The following S100Z variants were observed in gnomAD, a reference collection of about 807,000 sequenced individuals.
S100Z encodes the protein protein S100-Z.
Under a neutral mutation model 8.5 loss-of-function variants are expected in S100Z, and 11 were observed. The observed-to-expected ratio is 1.30, with a 90% CI of 0.82 to 2.15. The LOEUF (loss-of-function observed/expected upper bound fraction) is 2.15, where lower values mean the gene tolerates loss of function less well. S100Z is among the 30% of genes most tolerant of loss of function. The probability of loss-of-function intolerance (pLI) is 0.00; values close to 1 mark genes in which losing one functional copy is unlikely to be tolerated. For missense variants in S100Z, 126 were observed against 117.9 expected (o/e 1.07, Z -0.32); for synonymous variants, 34 against 43.8 (o/e 0.78, Z 0.89).
chr5:76,907,959 T>G (rs931667344), intron 4 of S100Z, among the ~76,000 whole-genome samples: 2 of 152,024 alleles, frequency 1.3e-5, no homozygotes, highest in African/African-American at 4.8e-5. Context: ...TGAAAGCACT[T>G]CTCTACAAAA....
At chr5:76,862,771 C>T (rs1280799667) in intron 1 of S100Z, among the ~76,000 whole-genome samples, 1 of 152,112 alleles carries the variant, frequency 6.6e-6, no homozygotes, top group African/African-American at 2.4e-5. Flanking sequence ...CACTCCACTC[C>T]AGCCTGGGCG....
chr5:76,915,795 C>T (rs1215959721), intron 4 of S100Z, among the ~76,000 whole-genome samples: 1 of 152,082 alleles, frequency 6.6e-6, no homozygotes, highest in Non-Finnish European at 1.5e-5. Flanking sequence ...AAGAAACTCA[C>T]ATCAAATACA....
intron 1 of S100Z, among the ~76,000 whole-genome samples, chr5:76,865,005 C>A (rs1359772746): frequency 1.3e-5 from 2 of 152,162 alleles, no homozygotes; most frequent in African/African-American, 4.8e-5. Flanking sequence ...CCACGCCCGG[C>A]CTACTATACT....
chr5:76,903,564 G>T (rs574764575), intron 4 of S100Z, among the ~76,000 whole-genome samples: 1 of 152,234 alleles, frequency 6.6e-6, no homozygotes, highest in East Asian at 1.9e-4. Context: ...TAAGTAGTAA[G>T]TGTGGGATTG....
chr5:76,950,678 C>G, the S100Z span, among the ~76,000 whole-genome samples: 1 of 152,098 alleles, frequency 6.6e-6, no homozygotes, highest in African/African-American at 2.4e-5. Flanking sequence ...TGGAGGTTAA[C>G]ATACAGGTAA....
intron 4 of S100Z, among the ~76,000 whole-genome samples, chr5:76,916,622 A>T (rs141300597): frequency 6.6e-6 from 1 of 152,284 alleles, no homozygotes; most frequent in Non-Finnish European, 1.5e-5. Context: ...ACTAGAAACC[A>T]ATAACAGAAA....
Position 76,916,026 on chromosome 5 carries a change from A to C in S100Z, c.*3-4691A>C, listed in dbSNP as rs187168072. Among the ~76,000 whole-genome samples, 15 of 151,992 alleles carry C rather than the reference A, an allele frequency of 9.9e-5. No individual in the cohort carries two copies. In the East Asian group the frequency reaches 2.9e-3, roughly 29 times the overall value. The stretch of plus-strand genomic sequence containing the variant: ...AAATACAAAAATTAGCTGGGCGTGG[A>C]GGTACACACTTGTAATCCCAGCTAC... On this transcript the variant is annotated intron_variant, in intron 4 of 4. Transcript: ENST00000317593.
intron 4 of S100Z, among the ~76,000 whole-genome samples, chr5:76,903,925 G>C: frequency 6.6e-6 from 1 of 151,570 alleles, no homozygotes; most frequent in Middle Eastern, 3.2e-3. Flanking sequence ...AGTAGAGATG[G>C]CTGTTAGTAG....
chr5:76,948,124 G>A, the S100Z span, among the ~76,000 whole-genome samples: 2 of 152,022 alleles, frequency 1.3e-5, no homozygotes, highest in Non-Finnish European at 1.5e-5. Flanking sequence ...TCAGAAGTTC[G>A]AAACCATCAT....
chr5:76,864,716 T>A (rs1751204964), intron 1 of S100Z, among the ~76,000 whole-genome samples: 1 of 147,926 alleles, frequency 6.8e-6, no homozygotes, highest in Non-Finnish European at 1.5e-5. Context: ...TTTATTATAC[T>A]TTTTTCTTCT....
intron 2 of S100Z, 106 bp downstream of exon 2, chr5:76,870,390 C>T (rs1742966124): frequency 1.3e-5 from 2 of 152,052 alleles, no homozygotes; most frequent in African/African-American, 4.8e-5. Flanking sequence ...ATACACAAAC[C>T]TTGATGTGAT....
chr5:76,851,501 T>G (rs964941659), intron 1 of S100Z, among the ~76,000 whole-genome samples: 1 of 152,044 alleles, frequency 6.6e-6, no homozygotes, highest in African/African-American at 2.4e-5. Flanking sequence ...ACCTGGCAAC[T>G]GATTGCATGA....
At chr5:76,943,123 G>C in the S100Z span, among the ~76,000 whole-genome samples, 1 of 152,170 alleles carries the variant, frequency 6.6e-6, no homozygotes, top group Non-Finnish European at 1.5e-5. Context: ...GTTCTCTCAT[G>C]ATGGTGCAGT....
chr5:76,899,571 A>G (rs895042737), intron 4 of S100Z, among the ~76,000 whole-genome samples: 3 of 152,128 alleles, frequency 2.0e-5, no homozygotes, highest in African/African-American at 7.2e-5. Context: ...GTTATAACCC[A>G]TTATTTTAAC....
the S100Z span, among the ~76,000 whole-genome samples, chr5:76,949,061 T>C: frequency 1.3e-5 from 2 of 152,222 alleles, no homozygotes; most frequent in Admixed American, 6.5e-5. Flanking sequence ...TTTACCTATG[T>C]GACAAACCTG....
rs1745031542 is a variant in S100Z at position 76,921,362 on chromosome 5, T to TGAATAAATCAA, written c.*655_*656insTCAAGAATAAA. ...CTTTTAAGTCAATACATCTGAATCT[T>TGAATAAATCAA]GAATAAAATTCTTGTTCCTTCTCTT... On this transcript the variant is annotated 3_prime_UTR_variant, in exon 5 of 5. Coordinates refer to ENST00000317593, the MANE Select transcript of S100Z (RefSeq NM_130772.4). 6.6e-6 allele frequency: 1 copy of TGAATAAATCAA among 152,226 alleles called. No individual in the cohort carries two copies. The highest frequency in any genetic ancestry group is 6.5e-5 in the Admixed American group (1 of 15,276). 9.4% of individuals were successfully genotyped at this position (152,226 alleles called of 1,614,324 possible).
chr5:76,858,736 C>T (rs1453430905), intron 1 of S100Z, among the ~76,000 whole-genome samples: 1 of 152,202 alleles, frequency 6.6e-6, no homozygotes, highest in Admixed American at 6.5e-5. Flanking sequence ...TTTCAATTCA[C>T]ATCCCTATAG....
At chr5:76,913,138 T>C (rs1340457821) in intron 4 of S100Z, among the ~76,000 whole-genome samples, 1 of 152,250 alleles carries the variant, frequency 6.6e-6, no homozygotes. Flanking sequence ...TACCACCTTG[T>C]TGTCAGTGTA....
chr5:76,859,893 C>CT (rs1294256465), intron 1 of S100Z, among the ~76,000 whole-genome samples: 2 of 152,092 alleles, frequency 1.3e-5, no homozygotes, highest in Non-Finnish European at 2.9e-5. Context: ...AACTCTGGGA[C>CT]TTTGAGTAAA....
Sources: allele counts gnomAD v4.1 joint callset (sites outside exome capture counted in the v4.1 genomes callset), GRCh38; gene constraint gnomAD v4.1.1; transcripts MANE v1.5; gene names NCBI Gene and HGNC (gene_info 2026-07-23, HGNC 2026-07-21).